PUDP: variants seen among roughly 807,000 people sequenced by gnomAD.
The protein encoded by PUDP is pseudouridine 5'-phosphatase.
In PUDP, 8 loss-of-function variants were observed where a neutral mutation model predicts 9.4. That is an observed-to-expected ratio of 0.85 (90% CI 0.50 to 1.53). The LOEUF is 1.53. Ranked by LOEUF, PUDP falls within the 40% of genes most tolerant of loss-of-function variation. The pLI is 0.00. For synonymous variants in PUDP, 99 were observed against 80.7 expected, an observed-to-expected ratio of 1.23 and a Z score of -1.22; for missense variants, 188 against 189.7, an observed-to-expected ratio of 0.99 and a Z score of 0.05.
intron 3 of PUDP, among the ~76,000 whole-genome samples, chrX:6,818,859 A>G (rs1166719140): frequency 8.9e-6 from 1 of 112,468 alleles, no homozygotes; most frequent in East Asian, 2.8e-4. Flanking sequence ...AGAAATGTGT[A>G]TAAATCATTG....
Position 7,050,553 on chromosome X carries a change from T to C in PUDP, c.511-81A>G, listed in dbSNP as rs181818576. 143 of 892,622 alleles carry C rather than the reference T, an allele frequency of 1.6e-4. No homozygotes were observed. The African/African-American group carries it at 2.3e-3, about 14-fold the overall frequency. The allele number at this position is 892,622 out of a possible 1,213,427, so 73.6% of individuals were successfully genotyped here. Reference sequence around the variant, plus strand: ...GAAGTGTTTATTATCGTCGTCACCATTGGCTCTGCAACTGTGCAGAAAGAG... The same window carrying C: ...GAAGTGTTTATTATCGTCGTCACCACTGGCTCTGCAACTGTGCAGAAAGAG... On this transcript the variant is annotated intron_variant, in intron 3 of 3. Coordinates refer to ENST00000381077, the MANE Select transcript of PUDP (RefSeq NM_012080.5).
chrX:6,793,316 A>G (rs899484790), intron 3 of PUDP, among the ~76,000 whole-genome samples: 2 of 111,920 alleles, frequency 1.8e-5, no homozygotes, highest in Non-Finnish European at 1.9e-5. Flanking sequence ...TGCTCTCTCA[A>G]GCCTCATAAT....
chrX:7,094,610 T>C (rs1332352730), intron 2 of PUDP, among the ~76,000 whole-genome samples: 1 of 111,001 alleles, frequency 9.0e-6, no homozygotes, highest in Non-Finnish European at 1.9e-5. Context: ...TCCGCCCGTC[T>C]CGACCTCCCA....
chrX:6,883,553 A>G (rs1251039748), intron 3 of PUDP, among the ~76,000 whole-genome samples: 1 of 109,878 alleles, frequency 9.1e-6, no homozygotes, highest in Non-Finnish European at 1.9e-5. Context: ...ATTTTAAACA[A>G]TCTGCATAAA....
At chrX:6,901,387 C>G (rs1301977264) in intron 3 of PUDP, among the ~76,000 whole-genome samples, 1 of 112,146 alleles carries the variant, frequency 8.9e-6, no homozygotes, top group African/African-American at 3.2e-5. Context: ...AGCCAACGAT[C>G]AAAGATAGGT....
intron 3 of PUDP, among the ~76,000 whole-genome samples, chrX:6,775,169 A>C (rs1296065083): frequency 9.0e-6 from 1 of 111,627 alleles, no homozygotes; most frequent in Non-Finnish European, 1.9e-5. Flanking sequence ...GGCTTTTCTT[A>C]TTCTGAATAT....
At chrX:6,896,747 G>C (rs1413070645) in intron 3 of PUDP, among the ~76,000 whole-genome samples, 1 of 111,574 alleles carries the variant, frequency 9.0e-6, no homozygotes, top group Non-Finnish European at 1.9e-5. Context: ...AAATTTTAAT[G>C]TGACCCTGGT....
intron 3 of PUDP, among the ~76,000 whole-genome samples, chrX:6,976,126 C>T (rs1186918513): frequency 1.8e-5 from 2 of 112,414 alleles, no homozygotes; most frequent in Non-Finnish European, 3.8e-5. Flanking sequence ...TGGATCTTAA[C>T]TAGCTGGGCT....
At chrX:6,831,281 T>C (rs1334387366) in intron 3 of PUDP, among the ~76,000 whole-genome samples, 1 of 112,380 alleles carries the variant, frequency 8.9e-6, no homozygotes, top group Non-Finnish European at 1.9e-5. Context: ...ATCTTGCAGC[T>C]TCCAGCTGTA....
Position 7,050,254 on chromosome X carries a change from C to T in PUDP, c.*42G>A, listed in dbSNP as rs780929131. ...TTTCCCTTTCCCCCAGCAGTGTGGACCATGAGAGTGGGCTGGGGGCGGAAG... is the reference window on the plus strand; with the variant it reads ...TTTCCCTTTCCCCCAGCAGTGTGGATCATGAGAGTGGGCTGGGGGCGGAAG... On this transcript the variant is annotated 3_prime_UTR_variant, in exon 4 of 4. Coordinates refer to ENST00000381077, the MANE Select transcript of PUDP (RefSeq NM_012080.5). The T allele has an allele frequency of 2.5e-5, 29 of 1,163,173 alleles. No homozygotes were observed. The Middle Eastern group carries it at 7.9e-4, about 32-fold the overall frequency.
chrX:7,001,763 C>T lies in PUDP; in HGVS notation c.205-23420G>A, dbSNP rs749621243. 5.0e-3 allele frequency among the ~76,000 whole-genome samples: 552 copies of T among 110,969 alleles called. 1 individual carries two copies. Among genetic ancestry groups the T allele is most frequent in the Non-Finnish European group, 8.2e-3 (432 of 52,855 alleles). ...TAGGACAAGGGGTTATTTATACATA[C>T]GGAAAAAAGGAGAGCTCAAACTACA... On this transcript the variant is annotated intron_variant and NMD_transcript_variant, in intron 1 of 3. Transcript: ENST00000655425.
chrX:6,927,309 C>T (rs1476049655), intron 3 of PUDP, among the ~76,000 whole-genome samples: 1 of 111,826 alleles, frequency 8.9e-6, no homozygotes, highest in Admixed American at 9.5e-5. Flanking sequence ...AATGAGACAT[C>T]TACAAAAAGC....
Position 7,080,780 on chromosome X carries a change from C to T in PUDP, c.281-3331G>A, listed in dbSNP as rs1602758679. On this transcript the variant is annotated intron_variant, in intron 2 of 3. Transcript: ENST00000381077. ...AATTTTTTTAAAAAAGAGACAGTCA[C>T]GTGTGGCAGTGCGTCCTGTAACCCG... 4.5e-5 allele frequency among the ~76,000 whole-genome samples: 5 copies of T among 110,475 alleles called. No individual in the cohort carries two copies. The South Asian group carries it at 1.9e-3, about 43-fold the overall frequency.
At chrX:6,745,092 G>T (rs1298646650) in intron 3 of PUDP, among the ~76,000 whole-genome samples, 1 of 111,560 alleles carries the variant, frequency 9.0e-6, no homozygotes, top group Non-Finnish European at 1.9e-5. Flanking sequence ...GAAAATTGCA[G>T]CATGATGGCA....
intron 3 of PUDP, among the ~76,000 whole-genome samples, chrX:6,804,641 G>A (rs1332068898): frequency 9.0e-6 from 1 of 111,377 alleles, no homozygotes; most frequent in African/African-American, 3.3e-5. Context: ...TGGAGTCTGT[G>A]CAGGTCTACG....
chrX:7,020,087 C>T (rs965833673), intron 1 of PUDP, among the ~76,000 whole-genome samples: 2 of 110,225 alleles, frequency 1.8e-5, no homozygotes, highest in African/African-American at 6.6e-5. Flanking sequence ...GGACGTCTGA[C>T]ATGCTGGAGA....
intron 2 of PUDP, among the ~76,000 whole-genome samples, chrX:7,082,730 G>C (rs1931138923): frequency 8.9e-6 from 1 of 112,322 alleles, no homozygotes; most frequent in South Asian, 3.6e-4. Flanking sequence ...TTCCTGCATG[G>C]GCATCCTAAG....
intron 3 of PUDP, among the ~76,000 whole-genome samples, chrX:6,895,800 C>T (rs1245663043): frequency 1.8e-5 from 2 of 111,580 alleles, no homozygotes; most frequent in East Asian, 5.6e-4. Flanking sequence ...TTGCTCACAG[C>T]TCTGGAGGCT....
intron 2 of PUDP, chrX:7,085,438 G>A (rs1483496136): frequency 3.6e-5 from 4 of 112,126 alleles, no homozygotes. Context: ...GGGGCCACAT[G>A]CAGGAAGCTG....
Sources: allele counts gnomAD v4.1 joint callset (sites outside exome capture counted in the v4.1 genomes callset), GRCh38; gene constraint gnomAD v4.1.1; transcripts MANE v1.5; gene names NCBI Gene and HGNC (gene_info 2026-07-23, HGNC 2026-07-21).